Variants in PLEKHH2 observed in about 807,000 individuals in gnomAD.
PLEKHH2 encodes the protein pleckstrin homology, MyTH4 and FERM domain containing H2, also known as pleckstrin homology domain-containing family H member 2.
In PLEKHH2, 129 loss-of-function variants were observed where a neutral mutation model predicts 187.9. The observed-to-expected ratio is 0.69, with a 90% CI of 0.59 to 0.79. The LOEUF is 0.79. Ranked by LOEUF, PLEKHH2 falls within the 30% of genes least tolerant of loss-of-function variation. PLEKHH2 has a pLI of 0.00. For synonymous variants in PLEKHH2, 686 were observed against 605.6 expected (o/e 1.13, Z -1.95); for missense variants, 2,076 against 1,751.2 (o/e 1.19, Z -3.31).
At chr2:43,738,652 TTGA>T in intron 20 of PLEKHH2, 132 bp downstream of exon 20, 1 of 832,140 alleles carries the variant, frequency 1.2e-6, no homozygotes, top group Non-Finnish European at 1.8e-6. Flanking sequence ...TATTAATATT[TTGA>T]TGTCTACCTT....
At position 43,742,908 on chromosome 2, in the gene PLEKHH2, G is replaced by C; in HGVS notation, c.3389G>C (p.Gly1130Ala). 6.5e-7 allele frequency: 1 copy of C among 1,538,498 alleles called. No homozygotes were observed. The highest frequency in any genetic ancestry group is 8.7e-7 in the Non-Finnish European group (1 of 1,144,768). Residue 1130 changes from glycine to alanine, a missense_variant, in exon 22 of 30, where the codon GGG becomes GCG. Gly to Ala is a moderately conservative substitution (Grantham distance 60, BLOSUM62 0). Coordinates refer to ENST00000282406, the MANE Select transcript of PLEKHH2 (RefSeq NM_172069.4). The stretch of plus-strand genomic sequence containing the variant: ...AGTATACCTGTGCACTTCATGAATG[G>C]GATATACCAGGTAGGTTACCTGATG... ...PFSIPVHFMN[G>A]IYQVVGFDAS... is the part of the protein sequence containing the mutation.
At chr2:43,657,190 A>C (rs1666823446) in intron 2 of PLEKHH2, among the ~76,000 whole-genome samples, 1 of 152,220 alleles carries the variant, frequency 6.6e-6, no homozygotes, top group Admixed American at 6.5e-5. Context: ...GGGTGGACTC[A>C]CTGCGGGTGC....
intron 17 of PLEKHH2, among the ~76,000 whole-genome samples, chr2:43,727,806 A>G (rs1028873498): frequency 6.6e-5 from 10 of 152,180 alleles, no homozygotes; most frequent in Non-Finnish European, 1.3e-4. Flanking sequence ...CTCTAACCAC[A>G]GAGCCTGTGT....
At position 43,692,589 on chromosome 2, in the gene PLEKHH2, T is replaced by C. The variant is rs774892086; in HGVS notation, c.262T>C (p.Cys88Arg). 6.8e-6 allele frequency: 11 copies of C among 1,608,696 alleles called. No homozygotes were observed. In the South Asian group the frequency reaches 1.2e-4, roughly 18 times the overall value. Reference sequence around the variant, plus strand: ...ATCAGAGACAAGATTATATAATAAGTGTCAAGATCTGGAGTCGCTAATACA... The same window carrying C: ...ATCAGAGACAAGATTATATAATAAGCGTCAAGATCTGGAGTCGCTAATACA... ...SESETRLYNK[C>R]QDLESLIQEK... The change falls in exon 4 of 30, where the codon TGT becomes CGT. Residue 88 changes from cysteine to arginine, a missense_variant. By Grantham distance (180) the Cys-to-Arg change is radical. Coordinates refer to ENST00000282406, the MANE Select transcript of PLEKHH2 (RefSeq NM_172069.4).
intron 11 of PLEKHH2, among the ~76,000 whole-genome samples, chr2:43,709,031 A>G (rs538857742): frequency 7.2e-5 from 11 of 152,302 alleles, no homozygotes; most frequent in African/African-American, 2.6e-4. Flanking sequence ...CCTTGATTTT[A>G]TTTAATATAT....
intron 2 of PLEKHH2, among the ~76,000 whole-genome samples, chr2:43,668,681 T>G (rs937070005): frequency 2.0e-5 from 3 of 152,140 alleles, no homozygotes; most frequent in African/African-American, 7.2e-5. Flanking sequence ...GATCAAAACT[T>G]TTTGATTAAA....
At chr2:43,719,169 G>A (rs1415320846) in intron 15 of PLEKHH2, among the ~76,000 whole-genome samples, 1 of 152,136 alleles carries the variant, frequency 6.6e-6, no homozygotes, top group Non-Finnish European at 1.5e-5. Flanking sequence ...AAGGCTGTGA[G>A]TTCCCGAGAA....
intron 4 of PLEKHH2, 68 bp downstream of exon 4, chr2:43,692,731 AAGAG>A: frequency 2.7e-6 from 4 of 1,486,616 alleles, no homozygotes; most frequent in East Asian, 2.3e-5. Context: ...AAAGATTAAA[AAGAG>A]AGAGCCTAAA....
chr2:43,737,568 C>T (rs1351757366), intron 19 of PLEKHH2, among the ~76,000 whole-genome samples: 1 of 152,134 alleles, frequency 6.6e-6, no homozygotes, highest in African/African-American at 2.4e-5. Flanking sequence ...GGGTAGCAGG[C>T]ATCTGAAGAT....
At chr2:43,712,191 T>C in intron 14 of PLEKHH2, 34 bp from the exon 15 acceptor site, 1 of 1,595,826 alleles carries the variant, frequency 6.3e-7, no homozygotes, top group Non-Finnish European at 8.6e-7. Flanking sequence ...ATCTTCACAG[T>C]TTTCTTTCCT....
At chr2:43,752,336 A>G (rs976195452) in intron 24 of PLEKHH2, among the ~76,000 whole-genome samples, 9 of 152,122 alleles carry the variant, frequency 5.9e-5, no homozygotes, top group Admixed American at 5.9e-4. Flanking sequence ...TGTAGTCATC[A>G]TAGATTAAAA....
chr2:43,681,584 A>T, intron 3 of PLEKHH2: 1 of 870,622 alleles, frequency 1.1e-6, no homozygotes, highest in Non-Finnish European at 1.9e-6. Context: ...GGCACTCATG[A>T]CTAGTGCCTC....
chr2:43,716,618 G>T (rs1372113132), intron 15 of PLEKHH2, among the ~76,000 whole-genome samples: 2 of 152,100 alleles, frequency 1.3e-5, no homozygotes, highest in Non-Finnish European at 2.9e-5. Context: ...GAGGATAGTG[G>T]TTTTTTCTAA....
At chr2:43,719,136 A>G (rs1260604065) in intron 15 of PLEKHH2, among the ~76,000 whole-genome samples, 1 of 152,186 alleles carries the variant, frequency 6.6e-6, no homozygotes, top group African/African-American at 2.4e-5. Context: ...CATACTGCTG[A>G]TTTAATTGTC....
chr2:43,746,925 G>T (rs1231306438), intron 24 of PLEKHH2, among the ~76,000 whole-genome samples: 3 of 150,394 alleles, frequency 2.0e-5, no homozygotes, highest in Non-Finnish European at 3.0e-5. Flanking sequence ...AGCCAAGATC[G>T]CACCACTGCA....
chr2:43,640,699 G>C (rs1373075487), intron 1 of PLEKHH2, among the ~76,000 whole-genome samples: 1 of 152,124 alleles, frequency 6.6e-6, no homozygotes, highest in African/African-American at 2.4e-5. Context: ...AGCAAATAAT[G>C]TGCTTATTGG....
chr2:43,688,016 G>T (rs1668611366), intron 3 of PLEKHH2, among the ~76,000 whole-genome samples: 1 of 152,054 alleles, frequency 6.6e-6, no homozygotes, highest in South Asian at 2.1e-4. Context: ...GCCCAGGCTG[G>T]CCTCAAACTC....
intron 27 of PLEKHH2, among the ~76,000 whole-genome samples, chr2:43,761,744 G>A (rs1672439577): frequency 6.6e-6 from 1 of 151,970 alleles, no homozygotes; most frequent in Admixed American, 6.6e-5. Context: ...AAATTCGGTG[G>A]AAATTTTCAT....
At chr2:43,681,180 C>G in intron 3 of PLEKHH2, 1 of 690,754 alleles carries the variant, frequency 1.4e-6, no homozygotes, top group South Asian at 1.8e-5. Context: ...TTTTGGTCCA[C>G]CACTATTCCT....
Sources: gnomAD v4.1 joint callset for allele counts (sites outside exome capture counted in the v4.1 genomes callset) on GRCh38, gnomAD v4.1.1 for gene constraint, MANE v1.5 for transcripts, NCBI Gene and HGNC (gene_info 2026-07-23, HGNC 2026-07-21) for gene names.